Variants in LINGO2 observed in about 807,000 individuals in gnomAD.
LINGO2 encodes leucine-rich repeat and immunoglobulin-like domain-containing nogo receptor-interacting protein 2.
A neutral mutation model predicts 30.6 loss-of-function variants in LINGO2; 14 were observed. The ratio of observed to expected loss-of-function variants is 0.46; its 90% CI spans 0.30 to 0.72. LINGO2 has a LOEUF of 0.72. LINGO2 is among the 30% of genes least tolerant of loss of function. The pLI is 0.07. For synonymous variants in LINGO2, 317 were observed against 288.5 expected, an observed-to-expected ratio of 1.10 and a Z score of -1.00; for missense variants, 729 against 751.7, an observed-to-expected ratio of 0.97 and a Z score of 0.35.
chr9:28,616,334 T>C (rs112591707), intron 1 of LINGO2, among the ~76,000 whole-genome samples: 24 of 152,250 alleles, frequency 1.6e-4, no homozygotes, highest in Non-Finnish European at 2.9e-4. Context: ...TACACACATG[T>C]GAAATATTTT....
At chr9:28,373,761 A>G (rs866508418) in intron 2 of LINGO2, among the ~76,000 whole-genome samples, 5 of 151,976 alleles carry the variant, frequency 3.3e-5, no homozygotes, top group Admixed American at 3.3e-4. Flanking sequence ...TTAGTTGGGC[A>G]TGGTGGCGTG....
chr9:28,497,495 G>T (rs574920695), intron 1 of LINGO2, among the ~76,000 whole-genome samples: 1 of 152,274 alleles, frequency 6.6e-6, no homozygotes, highest in East Asian at 1.9e-4. Flanking sequence ...CTTGTGCCAT[G>T]GTTTTCAGCT....
the LINGO2 span, among the ~76,000 whole-genome samples, chr9:29,102,378 G>A: frequency 6.6e-6 from 1 of 152,040 alleles, no homozygotes; most frequent in African/African-American, 2.4e-5. Flanking sequence ...ACCACACCTG[G>A]CCCATCTGCA....
At chr9:28,403,163 T>C (rs1564177448) in intron 2 of LINGO2, among the ~76,000 whole-genome samples, 2 of 152,190 alleles carry the variant, frequency 1.3e-5, no homozygotes, top group Non-Finnish European at 2.9e-5. Context: ...GCTCCAGATT[T>C]GCCTCGTACT....
rs1037503444 is a variant in LINGO2 at position 28,591,546 on chromosome 9, T to C, written c.-365+78654A>G. Among the ~76,000 whole-genome samples, 3 of 152,022 alleles carry C rather than the reference T, an allele frequency of 2.0e-5. No homozygotes were observed. In the South Asian group the frequency reaches 6.2e-4, roughly 32 times the overall value. Reference sequence around the variant, plus strand: ...GTACTCAGAGATTGTTAATAACTTGTTTTCCCAAACCCCAAGTAAAAGTGT... The same window carrying C: ...GTACTCAGAGATTGTTAATAACTTGCTTTCCCAAACCCCAAGTAAAAGTGT... On this transcript the variant is annotated intron_variant, in intron 1 of 5. Transcript: ENST00000379992.
chr9:27,949,281 C>T lies in LINGO2; in HGVS notation c.1391G>A (p.Gly464Asp), dbSNP rs777096048. 5 of 1,614,056 alleles carry T rather than the reference C, an allele frequency of 3.1e-6. No individual in the cohort carries two copies. In the Admixed American group the frequency reaches 6.7e-5, roughly 22 times the overall value. ...AAAGCGGATTTCCAAGGTGCCATCA[C>T]CCAACACGGTGGCTCTTCCATTGGA... Residue 464 changes from glycine to aspartate, a missense_variant, in exon 6 of 6, where the codon GGT becomes GAT. Gly to Asp is a moderately conservative substitution (Grantham distance 94). Transcript: ENST00000379992.
At chr9:28,083,118 G>A (rs968126853) in intron 4 of LINGO2, among the ~76,000 whole-genome samples, 1 of 152,258 alleles carries the variant, frequency 6.6e-6, no homozygotes, top group South Asian at 2.1e-4. Flanking sequence ...AGAATTATAT[G>A]CTGAGACTCA....
intron 1 of LINGO2, among the ~76,000 whole-genome samples, chr9:28,518,633 C>T (rs1587795722): frequency 1.3e-5 from 2 of 152,248 alleles, no homozygotes; most frequent in South Asian, 2.1e-4. Context: ...ACAGACGGGC[C>T]TTATTAACAT....
intron 1 of LINGO2, among the ~76,000 whole-genome samples, chr9:28,477,735 C>T (rs995999645): frequency 6.6e-6 from 1 of 152,292 alleles, no homozygotes; most frequent in East Asian, 1.9e-4. Context: ...CCACGCTTGA[C>T]ACCTTCTACA....
At chr9:29,015,213 G>A in the LINGO2 span, among the ~76,000 whole-genome samples, 8 of 152,030 alleles carry the variant, frequency 5.3e-5, no homozygotes, top group Admixed American at 1.3e-4. Context: ...ATGCTACTTG[G>A]GTGATGGATA....
At chr9:28,290,446 G>A (rs1823680768) in intron 4 of LINGO2, among the ~76,000 whole-genome samples, 1 of 152,162 alleles carries the variant, frequency 6.6e-6, no homozygotes, top group South Asian at 2.1e-4. Context: ...GACTAAAAGT[G>A]TTACAGAAAC....
At chr9:28,610,054 T>C (rs1825852514) in intron 1 of LINGO2, among the ~76,000 whole-genome samples, 1 of 152,214 alleles carries the variant, frequency 6.6e-6, no homozygotes, top group East Asian at 1.9e-4. Flanking sequence ...CAACTGTTAA[T>C]AGTGGTTACC....
intron 4 of LINGO2, among the ~76,000 whole-genome samples, chr9:28,160,200 G>C (rs1350308886): frequency 6.6e-6 from 1 of 152,156 alleles, no homozygotes; most frequent in Non-Finnish European, 1.5e-5. Context: ...AACTAAGCAG[G>C]TCAGTGAATC....
the LINGO2 span, among the ~76,000 whole-genome samples, chr9:28,960,964 T>C: frequency 6.6e-6 from 1 of 152,144 alleles, no homozygotes; most frequent in South Asian, 2.1e-4. Flanking sequence ...TCACAAGGTC[T>C]ACAGGAATGG....
chr9:28,567,120 T>A (rs1224938482), intron 1 of LINGO2, among the ~76,000 whole-genome samples: 1 of 152,136 alleles, frequency 6.6e-6, no homozygotes, highest in Non-Finnish European at 1.5e-5. Context: ...CAGAATTTTT[T>A]TGCATTTAAA....
the LINGO2 span, among the ~76,000 whole-genome samples, chr9:29,087,219 T>A: frequency 6.6e-5 from 10 of 152,168 alleles, no homozygotes; most frequent in African/African-American, 2.2e-4. Context: ...TAAATCCTAG[T>A]TCCACTGCTT....
At chr9:29,076,893 G>T in the LINGO2 span, among the ~76,000 whole-genome samples, 1 of 151,894 alleles carries the variant, frequency 6.6e-6, no homozygotes, top group African/African-American at 2.4e-5. Flanking sequence ...CTATATAAAA[G>T]TTTGGTTAAG....
the LINGO2 span, among the ~76,000 whole-genome samples, chr9:28,914,193 C>CT: frequency 6.6e-6 from 1 of 152,092 alleles, no homozygotes; most frequent in Non-Finnish European, 1.5e-5. Context: ...GATCTAAATA[C>CT]ATTTGTGTAT....
intron 1 of LINGO2, among the ~76,000 whole-genome samples, chr9:28,486,526 C>T (rs1227845632): frequency 2.6e-5 from 4 of 152,122 alleles, no homozygotes; most frequent in Non-Finnish European, 5.9e-5. Flanking sequence ...AGTACACATA[C>T]ATACATATGT....
Sources: gnomAD v4.1 joint callset for allele counts (sites outside exome capture counted in the v4.1 genomes callset) on GRCh38, gnomAD v4.1.1 for gene constraint, MANE v1.5 for transcripts, NCBI Gene and HGNC (gene_info 2026-07-23, HGNC 2026-07-21) for gene names.